PARP12: variants seen among roughly 807,000 people sequenced by gnomAD.
PARP12 encodes protein mono-ADP-ribosyltransferase PARP12.
A neutral mutation model predicts 72.4 loss-of-function variants in PARP12; 59 were observed. That is an observed-to-expected ratio of 0.81 (90% CI 0.66 to 1.01). The LOEUF is 1.01. Ranked by LOEUF, PARP12 falls within the 50% of genes least tolerant of loss-of-function variation. PARP12 has a pLI of 0.00. For missense variants in PARP12, 851 were observed against 914.0 expected (o/e 0.93, Z 0.89); for synonymous variants, 403 against 371.4 (o/e 1.09, Z -0.98).
rs145329584 is a variant in PARP12, at chr7:140,059,261, T to C, written c.327-1227A>G. Among the ~76,000 whole-genome samples the C allele has an allele frequency of 4.4e-3, 676 of 152,304 alleles. 7 individuals carry two copies. The highest frequency in any genetic ancestry group is 0.015 in the African/African-American group (641 of 41,562). On this transcript the variant is annotated intron_variant, in intron 1 of 11. Transcript: ENST00000263549. ...GATGAGAATGACAAAGAGGAGTTGC[T>C]GCACAGCAGTCAGTCGGTAAGCAGT...
intron 11 of PARP12, 125 bp downstream of exon 11, chr7:140,026,069 TACC>T (rs1338931321): frequency 7.3e-7 from 1 of 1,366,356 alleles, no homozygotes. Context: ...TGTGCCCAGG[TACC>T]ACCACACATG....
chr7:140,045,522 G>A (rs1160806112), intron 5 of PARP12, among the ~76,000 whole-genome samples: 4 of 152,198 alleles, frequency 2.6e-5, no homozygotes, highest in African/African-American at 9.6e-5. Flanking sequence ...AAACTAGTCA[G>A]AATTCAAGTG....
intron 4 of PARP12, among the ~76,000 whole-genome samples, chr7:140,049,639 T>C (rs1393516665): frequency 1.3e-5 from 2 of 152,172 alleles, no homozygotes; most frequent in South Asian, 2.1e-4. Flanking sequence ...TCCAGGCTGA[T>C]GCTTCCTCAG....
At chr7:140,039,861 C>G (rs771150353) in intron 6 of PARP12, among the ~76,000 whole-genome samples, 1 of 151,882 alleles carries the variant, frequency 6.6e-6, no homozygotes, top group African/African-American at 2.4e-5. Flanking sequence ...AACATCCACA[C>G]GCGGTTCATC....
At chr7:140,057,821 A>G in intron 2 of PARP12, 78 bp downstream of exon 2, 1 of 1,569,652 alleles carries the variant, frequency 6.4e-7, no homozygotes. Flanking sequence ...CACCCATTCC[A>G]CTCCCAGTCA....
intron 8 of PARP12, 30 bp from the exon 9 acceptor site, chr7:140,028,718 C>T: frequency 6.4e-7 from 1 of 1,553,640 alleles, no homozygotes; most frequent in Non-Finnish European, 8.8e-7. Flanking sequence ...AACACGTAGA[C>T]ATTTTATTCT....
At chr7:140,058,088 CTA>C in intron 1 of PARP12, 54 bp from the exon 2 acceptor site, 1 of 1,601,162 alleles carries the variant, frequency 6.2e-7, no homozygotes, top group Non-Finnish European at 8.6e-7. Context: ...CTCAAAATTT[CTA>C]TGTTGGAGTC....
intron 6 of PARP12, among the ~76,000 whole-genome samples, chr7:140,039,438 T>G (rs937342102): frequency 6.6e-6 from 1 of 151,910 alleles, no homozygotes; most frequent in Non-Finnish European, 1.5e-5. Context: ...AGCAAAGAGT[T>G]TTTTTGCCCT....
intron 8 of PARP12, chr7:140,033,897 T>C (rs1569526721): frequency 1.0e-6 from 1 of 998,396 alleles, no homozygotes; most frequent in Non-Finnish European, 1.2e-6. Context: ...TATTTCAACA[T>C]TTAAAAAATT....
intron 7 of PARP12, chr7:140,034,745 A>AAG (rs1816082527): frequency 1.2e-5 from 2 of 162,990 alleles, no homozygotes; most frequent in South Asian, 3.1e-4. Context: ...TGTTTTAGTT[A>AAG]AACTATGGCA....
chr7:140,031,734 G>A (rs190150962), intron 8 of PARP12, among the ~76,000 whole-genome samples: 4 of 151,394 alleles, frequency 2.6e-5, no homozygotes, highest in Admixed American at 2.6e-4. Flanking sequence ...AACTAAATTA[G>A]AATAAGAGAG....
At chr7:140,030,805 T>A (rs573268594) in intron 8 of PARP12, among the ~76,000 whole-genome samples, 2 of 152,350 alleles carry the variant, frequency 1.3e-5, no homozygotes, top group East Asian at 3.8e-4. Context: ...TGGTTTTTAT[T>A]CTTTTAGTTC....
intron 7 of PARP12, among the ~76,000 whole-genome samples, chr7:140,037,180 C>A (rs1816237334): frequency 6.6e-6 from 1 of 152,166 alleles, no homozygotes; most frequent in Admixed American, 6.6e-5. Flanking sequence ...AAAAATTAGC[C>A]AGGTGTGACG....
intron 1 of PARP12, among the ~76,000 whole-genome samples, chr7:140,061,969 C>T (rs1171149824): frequency 1.7e-5 from 2 of 114,382 alleles, no homozygotes; most frequent in Non-Finnish European, 3.5e-5. Flanking sequence ...AATGCCCAGG[C>T]TCCCAGAAAT....
intron 4 of PARP12, 59 bp downstream of exon 4, chr7:140,054,602 TG>T: frequency 7.2e-7 from 1 of 1,382,176 alleles, no homozygotes; most frequent in Non-Finnish European, 1.0e-6. Flanking sequence ...AGCACAGCTC[TG>T]GGAATGACAA....
chr7:140,050,140 T>A (rs765810472), intron 4 of PARP12, among the ~76,000 whole-genome samples: 14 of 151,982 alleles, frequency 9.2e-5, no homozygotes, highest in African/African-American at 2.4e-4. Flanking sequence ...ATCAAATAGA[T>A]ATAAAAAGAA....
intron 7 of PARP12, among the ~76,000 whole-genome samples, chr7:140,037,251 G>T (rs988167555): frequency 6.6e-6 from 1 of 152,236 alleles, no homozygotes; most frequent in Admixed American, 6.5e-5. Context: ...TTGAACCCGG[G>T]AGGCGGAGGT....
chr7:140,036,932 AC>A (rs772331967), intron 7 of PARP12, among the ~76,000 whole-genome samples: 51 of 152,170 alleles, frequency 3.4e-4, no homozygotes, highest in Non-Finnish European at 5.0e-4. Context: ...CAGCCTCAGG[AC>A]ACCATGAGTG....
intron 9 of PARP12, 149 bp from the exon 10 acceptor site, chr7:140,027,555 C>A (rs972309281): frequency 8.8e-6 from 8 of 913,688 alleles, no homozygotes; most frequent in Middle Eastern, 5.8e-4. Context: ...TCTCCAGGCA[C>A]AGGAGACAAT....
Sources: allele counts gnomAD v4.1 joint callset (sites outside exome capture counted in the v4.1 genomes callset), GRCh38; gene constraint gnomAD v4.1.1; transcripts MANE v1.5; gene names NCBI Gene and HGNC (gene_info 2026-07-23, HGNC 2026-07-21).